Variants in FAM167A observed in about 807,000 individuals in gnomAD.
The protein encoded by FAM167A is family with sequence similarity 167 member A.
FAM167A carries 23 observed loss-of-function variants against 14.9 expected under a neutral mutation model. The ratio of observed to expected loss-of-function variants is 1.55; its 90% confidence interval spans 1.11 to 2.19. FAM167A has a LOEUF of 2.19. FAM167A is among the 30% of genes most tolerant of loss of function. The pLI, the probability that FAM167A is intolerant of heterozygous loss-of-function variation, is 0.00. For missense variants in FAM167A, 401 were observed against 281.5 expected (o/e 1.42, Z -3.04); for synonymous variants, 174 against 117.7 (o/e 1.48, Z -3.10).
At chr8:11,424,824 G>A (rs758597360) in intron 2 of FAM167A, among the ~76,000 whole-genome samples, 188 bp from the exon 3 acceptor site, 1 of 152,206 alleles carries the variant, frequency 6.6e-6, no homozygotes, top group Non-Finnish European at 1.5e-5. Context: ...GGGTGCGGTC[G>A]CAAAACAATA....
upstream of FAM167A, among the ~76,000 whole-genome samples, chr8:11,471,010 G>T (rs550900532): frequency 1.3e-5 from 2 of 152,228 alleles, no homozygotes; most frequent in Non-Finnish European, 2.9e-5. Flanking sequence ...GGCTGGCTCT[G>T]TGCCACCCGG....
In FAM167A at chr8:11,424,029, G is replaced by A. The variant is rs527815642; in HGVS notation, c.*344C>T. On this transcript the variant is annotated 3_prime_UTR_variant, in exon 3 of 3. Transcript: ENST00000284486. ...AGCTTTGTTGGGGGGCCTCCCTTTG[G>A]GAATCCCAGTTCATAGCACCAGTGA... 25 of 250,564 alleles carry A rather than the reference G, an allele frequency of 1.0e-4. No individual in the cohort carries two copies. Among genetic ancestry groups the A allele is most frequent in the African/African-American group, 5.5e-4 (25 of 45,814 alleles). 15.5% of individuals were successfully genotyped at this position (250,564 alleles called of 1,614,324 possible).
At chr8:11,458,623 A>G (rs1807421314) in intron 1 of FAM167A, among the ~76,000 whole-genome samples, 1 of 152,196 alleles carries the variant, frequency 6.6e-6, no homozygotes, top group African/African-American at 2.4e-5. Flanking sequence ...CAAAAGACCA[A>G]TCAGAATATT....
chr8:11,469,881 A>AAAATAAATAAATAAAT (rs140444831), upstream of FAM167A, among the ~76,000 whole-genome samples: 1 of 122,512 alleles, frequency 8.2e-6, no homozygotes, highest in Non-Finnish European at 1.9e-5. Flanking sequence ...CCCTGTCTCA[A>AAAATAAATAAATAAAT]AAATAAATAA....
rs755206316 is a variant in FAM167A at position 11,424,567 on chromosome 8, G to T, written c.451C>A (p.Leu151Met). The T allele has an allele frequency of 6.2e-7, 1 of 1,614,182 alleles. No individual in the cohort carries two copies. The highest frequency in any genetic ancestry group is 1.7e-5 in the Admixed American group (1 of 60,024). ...LMRLRGDINK[L>M]KIEHTCRLHR... ...AGGCGGCAGGTGTGTTCGATTTTCA[G>T]CTTGTTGATGTCGCCACGCAGGCGC... The change falls in exon 3 of 3, where the codon CTG (leucine) becomes ATG (methionine). Residue 151 changes from leucine to methionine, a missense_variant. Leu to Met is a conservative substitution (Grantham distance 15). Transcript: ENST00000284486.
intron 2 of FAM167A, among the ~76,000 whole-genome samples, chr8:11,443,380 T>C (rs1278289022): frequency 6.6e-6 from 1 of 152,204 alleles, no homozygotes; most frequent in Non-Finnish European, 1.5e-5. Context: ...AATGTGCCTT[T>C]ACCTCACACC....
intron 2 of FAM167A, among the ~76,000 whole-genome samples, chr8:11,435,954 G>A (rs1033605700): frequency 6.6e-6 from 1 of 152,300 alleles, no homozygotes. Flanking sequence ...ATTCAGTTAC[G>A]TTTTTACTTC....
At chr8:11,430,164 T>C (rs751276971) in intron 2 of FAM167A, among the ~76,000 whole-genome samples, 5 of 152,182 alleles carry the variant, frequency 3.3e-5, no homozygotes, top group Non-Finnish European at 7.3e-5. Flanking sequence ...CTGGTGTCTC[T>C]CTGAGAACAA....
chr8:11,437,034 G>C (rs1318640981), intron 2 of FAM167A, among the ~76,000 whole-genome samples: 1 of 152,194 alleles, frequency 6.6e-6, no homozygotes, highest in Non-Finnish European at 1.5e-5. Context: ...AGGCAAGTTT[G>C]AGGCTGTTTT....
chr8:11,438,009 T>G (rs1251297033), intron 2 of FAM167A: 1 of 361,706 alleles, frequency 2.8e-6, no homozygotes, highest in Non-Finnish European at 5.5e-6. Flanking sequence ...ACCATGCCAC[T>G]GTGTTTATGT....
chr8:11,433,978 A>G (rs1327656093), intron 2 of FAM167A: 3 of 152,188 alleles, frequency 2.0e-5, no homozygotes, highest in Non-Finnish European at 4.4e-5. Flanking sequence ...AGCCTGGGTA[A>G]AATTGTATTA....
At chr8:11,433,082 C>A (rs1205511735) in intron 2 of FAM167A, among the ~76,000 whole-genome samples, 18 of 152,042 alleles carry the variant, frequency 1.2e-4, no homozygotes. Context: ...GGAGGGATAA[C>A]ATTAGGAGAA....
chr8:11,464,344 G>A (rs1807666585), intron 1 of FAM167A, among the ~76,000 whole-genome samples: 1 of 152,124 alleles, frequency 6.6e-6, no homozygotes, highest in South Asian at 2.1e-4. Context: ...TGGCAACACG[G>A]CCCTCGGTGG....
In FAM167A at chr8:11,424,189, G is replaced by A; in HGVS notation, c.*184C>T. 1.5e-6 allele frequency: 1 copy of A among 671,406 alleles called. No individual in the cohort carries two copies. The allele number at this position is 671,406 out of a possible 1,614,324, so 41.6% of individuals were successfully genotyped here. On this transcript the variant is annotated 3_prime_UTR_variant, in exon 3 of 3. Coordinates refer to ENST00000284486, the MANE Select transcript of FAM167A (RefSeq NM_053279.3). The stretch of plus-strand genomic sequence containing the variant: ...GCAAGAGCCAGTCACAGAGACACTG[G>A]CATCCACACCCAGGGCCCCTGGGTG...
At chr8:11,440,289 G>C (rs1010882472) in intron 2 of FAM167A, among the ~76,000 whole-genome samples, 1 of 152,188 alleles carries the variant, frequency 6.6e-6, no homozygotes, top group Admixed American at 6.5e-5. Context: ...GCTGGGAGTC[G>C]CACTAAGAGG....
chr8:11,450,835 C>T (rs576535420), intron 1 of FAM167A, among the ~76,000 whole-genome samples: 3 of 152,312 alleles, frequency 2.0e-5, no homozygotes, highest in Admixed American at 6.5e-5. Flanking sequence ...CCTGTCCCCA[C>T]GGATGCCACC....
intron 2 of FAM167A, among the ~76,000 whole-genome samples, chr8:11,425,599 G>T (rs189550414): frequency 3.3e-5 from 5 of 152,170 alleles, no homozygotes; most frequent in Admixed American, 6.6e-5. Context: ...TCATCAAGAG[G>T]ACCCCAGAGA....
intron 2 of FAM167A, chr8:11,434,913 G>A: frequency 2.5e-6 from 1 of 405,536 alleles, no homozygotes; most frequent in South Asian, 1.8e-5. Context: ...GGAGAGATGT[G>A]ACTGCTGCTG....
At chr8:11,455,288 G>T (rs1157375470) in intron 1 of FAM167A, among the ~76,000 whole-genome samples, 4 of 148,826 alleles carry the variant, frequency 2.7e-5, no homozygotes, top group South Asian at 4.4e-4. Flanking sequence ...GTGTGTCTGG[G>T]GGGGGTGGTT....
Sources: allele counts gnomAD v4.1 joint callset (sites outside exome capture counted in the v4.1 genomes callset), GRCh38; gene constraint gnomAD v4.1.1; transcripts MANE v1.5; gene names NCBI Gene and HGNC (gene_info 2026-07-23, HGNC 2026-07-21).